Variants in MRE11 observed in about 807,000 individuals in gnomAD.
MRE11 encodes the protein MRE11 double strand break repair nuclease.
A neutral mutation model predicts 91.7 loss-of-function variants in MRE11; 62 were observed. The observed-to-expected ratio is 0.68, with a 90% CI of 0.55 to 0.84. The LOEUF is 0.84. Ranked by LOEUF, MRE11 falls within the 40% of genes least tolerant of loss-of-function variation. The pLI, the probability that MRE11 is intolerant of heterozygous loss-of-function variation, is 0.00. For missense variants in MRE11, 796 were observed against 852.9 expected (o/e 0.93, Z 0.83); for synonymous variants, 273 against 271.4 (o/e 1.01, Z -0.06).
intron 19 of MRE11, among the ~76,000 whole-genome samples, chr11:94,426,831 C>G (rs1945333764): frequency 6.6e-6 from 1 of 152,130 alleles, no homozygotes; most frequent in Non-Finnish European, 1.5e-5. Flanking sequence ...TCTAAACACA[C>G]AACCTCCCAA....
intron 19 of MRE11, 34 bp from the exon 20 acceptor site, chr11:94,420,215 G>C (rs1217842801): frequency 6.5e-7 from 1 of 1,529,168 alleles, no homozygotes; most frequent in East Asian, 2.3e-5. Context: ...ATTAGTGATT[G>C]TTCCCTGCTT....
rs1276979532 is a variant in MRE11 at position 94,486,171 on chromosome 11, C to G, written c.154-87G>C. 6.3e-6 allele frequency: 8 copies of G among 1,273,054 alleles called. No homozygotes were observed. In the Admixed American group the frequency reaches 1.5e-4, roughly 24 times the overall value. 78.9% of individuals were successfully genotyped at this position (1,273,054 alleles called of 1,614,324 possible). ...CAGATGAAAGAGATAAAAAAAAACT[C>G]ACAAAAGACACTATTATATATGGCA... On this transcript the variant is annotated intron_variant, in intron 3 of 19. Coordinates refer to ENST00000323929, the MANE Select transcript of MRE11 (RefSeq NM_005591.4).
Position 94,437,196 on chromosome 11 carries a change from G to T in MRE11, c.1907C>A (p.Thr636Asn). The T allele has an allele frequency of 6.2e-7, 1 of 1,612,788 alleles. No individual in the cohort carries two copies. The highest frequency in any genetic ancestry group is 8.5e-7 in the Non-Finnish European group (1 of 1,179,324). ...STRQQPSRNV[T>N]TKNYSEVIEV... is the part of the protein sequence containing the mutation. ...TCTTACCTCTGAATAATTCTTAGTA[G>T]TGACATTTCGGGAAGGCTGCTGTCT... is the stretch of plus-strand genomic sequence containing the variant. Residue 636 changes from threonine to asparagine, a missense_variant, in exon 17 of 20, where the codon ACT (threonine) becomes AAT (asparagine). Physicochemically the swap from Thr to Asn is moderately conservative, Grantham distance 65. Transcript: ENST00000323929.
At position 94,471,599 on chromosome 11, in the gene MRE11, G is replaced by C. The variant is rs1555013057; in HGVS notation, c.820C>G (p.Leu274Val). 2.5e-6 allele frequency: 4 copies of C among 1,612,560 alleles called. No individual in the cohort carries two copies. The highest frequency in any genetic ancestry group is 1.1e-5 in the South Asian group (1 of 91,040). ...SQPGSSVVTS[L>V]SPGEAVKKHV... is the part of the protein sequence containing the mutation. The stretch of plus-strand genomic sequence containing the variant: ...TTCTTTACAGCTTCTCCTGGGGAAA[G>C]AGAAGTAACCACTGAGCTTCCAGGT... Residue 274 changes from leucine to valine, a missense_variant, in exon 8 of 20, where the codon CTT becomes GTT. Leu to Val is a conservative substitution (Grantham distance 32). Transcript: ENST00000323929.
At chr11:94,494,803 G>A (rs757291324), upstream of MRE11, among the ~76,000 whole-genome samples, 1 of 152,188 alleles carries the variant, frequency 6.6e-6, no homozygotes, top group African/African-American at 2.4e-5. Flanking sequence ...TGTTGGGGGA[G>A]AGGGTAAGAT....
intron 9 of MRE11, among the ~76,000 whole-genome samples, chr11:94,468,722 A>G (rs1245237839): frequency 2.0e-5 from 3 of 152,204 alleles, no homozygotes; most frequent in Admixed American, 6.5e-5. Context: ...AATTTTTTCT[A>G]TGTGCATATT....
intron 4 of MRE11, among the ~76,000 whole-genome samples, chr11:94,480,653 T>C (rs148474332): frequency 1.3e-5 from 2 of 152,252 alleles, no homozygotes; most frequent in East Asian, 3.9e-4. Flanking sequence ...TGATAGGTGC[T>C]GCCAATTTCC....
At position 94,456,882 on chromosome 11, in the gene MRE11, G is replaced by A. The variant is rs13447682; in HGVS notation, c.1501-544C>T. ...CTTTTTTAATGGTTCCTGCTCACAA[G>A]GCTCTTATTATACAGCTATGTATAT... On this transcript the variant is annotated intron_variant, in intron 13 of 19. Coordinates refer to ENST00000323929, the MANE Select transcript of MRE11 (RefSeq NM_005591.4). Among the ~76,000 whole-genome samples the A allele has an allele frequency of 8.7e-3, 1,324 of 152,256 alleles. 9 individuals are homozygous for A. Among genetic ancestry groups the A allele is most frequent in the Non-Finnish European group, 0.015 (1,019 of 68,028 alleles).
chr11:94,434,014 A>G (rs1464213066), intron 18 of MRE11, among the ~76,000 whole-genome samples: 1 of 152,102 alleles, frequency 6.6e-6, no homozygotes, highest in African/African-American at 2.4e-5. Context: ...TCGGCTGATC[A>G]CCAGCTCAAA....
intron 3 of MRE11, among the ~76,000 whole-genome samples, chr11:94,488,515 C>A (rs979713846): frequency 1.3e-5 from 2 of 152,142 alleles, no homozygotes; most frequent in African/African-American, 4.8e-5. Context: ...ATGTTCACTG[C>A]AGTACTATTC....
chr11:94,469,502 C>A (rs1946651670), intron 9 of MRE11, among the ~76,000 whole-genome samples: 1 of 152,164 alleles, frequency 6.6e-6, no homozygotes, highest in Non-Finnish European at 1.5e-5. Context: ...AATGCATTTT[C>A]TATCTCTTTG....
At chr11:94,473,922 C>T (rs2135058418) in intron 7 of MRE11, among the ~76,000 whole-genome samples, 1 of 152,100 alleles carries the variant, frequency 6.6e-6, no homozygotes, top group Non-Finnish European at 1.5e-5. Context: ...ACAAAGAAGT[C>T]ACAAGTAAGG....
chr11:94,453,297 C>G (rs1463458212), intron 14 of MRE11, among the ~76,000 whole-genome samples: 1 of 152,144 alleles, frequency 6.6e-6, no homozygotes, highest in Non-Finnish European at 1.5e-5. Flanking sequence ...CACTGATGTA[C>G]AAATAAGTTC....
At chr11:94,452,075 G>A (rs892492378) in intron 14 of MRE11, among the ~76,000 whole-genome samples, 34 of 151,562 alleles carry the variant, frequency 2.2e-4, no homozygotes, top group African/African-American at 7.5e-4. Context: ...GCATGGTAGC[G>A]CGCGCTAGCT....
rs369131526 is a variant in MRE11, at chr11:94,471,790, G to A, written c.660-31C>T. 7.2e-5 allele frequency: 112 copies of A among 1,552,048 alleles called. No individual in the cohort carries two copies. The East Asian group carries it at 9.8e-4, about 14-fold the overall frequency. On this transcript the variant is annotated intron_variant, in intron 7 of 19. Coordinates refer to ENST00000323929, the MANE Select transcript of MRE11 (RefSeq NM_005591.4). ...TCAAGATTTTGAAAAATATAAATTC[G>A]GTGATTAGAAAAATTTCATATTATT...
intron 10 of MRE11, among the ~76,000 whole-genome samples, chr11:94,467,478 A>G (rs1946594040): frequency 1.3e-5 from 2 of 152,256 alleles, no homozygotes; most frequent in African/African-American, 4.8e-5. Context: ...AAAGGGAGAT[A>G]AGAGCACATC....
At chr11:94,439,971 T>C (rs539922878) in intron 16 of MRE11, among the ~76,000 whole-genome samples, 10 of 152,312 alleles carry the variant, frequency 6.6e-5, no homozygotes, top group Non-Finnish European at 1.3e-4. Context: ...GTGCCAAATA[T>C]AGTGGATACA....
chr11:94,447,482 T>C, intron 14 of MRE11, 44 bp from the exon 15 acceptor site: 3 of 1,561,476 alleles, frequency 1.9e-6, no homozygotes, highest in Non-Finnish European at 2.6e-6. Flanking sequence ...TGAGATAACG[T>C]ACCATCCTAA....
the MRE11 span, among the ~76,000 whole-genome samples, chr11:94,501,568 C>T: frequency 6.6e-6 from 1 of 151,798 alleles, no homozygotes; most frequent in Non-Finnish European, 1.5e-5. Flanking sequence ...GTGTATTTTA[C>T]AGCACATCTG....
Sources: allele counts gnomAD v4.1 joint callset (sites outside exome capture counted in the v4.1 genomes callset), GRCh38; gene constraint gnomAD v4.1.1; transcripts MANE v1.5; gene names NCBI Gene and HGNC (gene_info 2026-07-23, HGNC 2026-07-21).